STK39: variants seen among roughly 807,000 people sequenced by gnomAD.
STK39 encodes the protein serine/threonine kinase 39.
In STK39, 20 loss-of-function variants were observed where a neutral mutation model predicts 77.8. That is an observed-to-expected ratio of 0.26 (90% confidence interval 0.18 to 0.37). The LOEUF (loss-of-function observed/expected upper bound fraction) is 0.37, where lower values mean the gene tolerates loss of function less well. Among genes scored for constraint, STK39 ranks in the 10% least tolerant of loss-of-function variants. The probability of loss-of-function intolerance (pLI) is 1.00; values close to 1 mark genes in which losing one functional copy is unlikely to be tolerated. For missense variants in STK39, 479 were observed against 656.5 expected, an observed-to-expected ratio of 0.73 and a Z score of 2.95; for synonymous variants, 246 against 234.1, an observed-to-expected ratio of 1.05 and a Z score of -0.47.
At chr2:168,203,175 G>A (rs1408473051) in intron 1 of STK39, among the ~76,000 whole-genome samples, 1 of 152,108 alleles carries the variant, frequency 6.6e-6, no homozygotes, top group African/African-American at 2.4e-5. Context: ...CTGTTTCAGA[G>A]GCTCAGGGAA....
At chr2:168,199,153 G>C (rs1689548228) in intron 1 of STK39, among the ~76,000 whole-genome samples, 1 of 152,158 alleles carries the variant, frequency 6.6e-6, no homozygotes, top group Admixed American at 6.5e-5. Flanking sequence ...TGATACTTAG[G>C]GGGTTACACC....
At chr2:168,215,752 GA>G (rs530928983) in intron 1 of STK39, among the ~76,000 whole-genome samples, 33 of 152,242 alleles carry the variant, frequency 2.2e-4, no homozygotes, top group Admixed American at 2.6e-4. Context: ...AGGAAAGGGG[GA>G]AAAAATGGAA....
intron 1 of STK39, among the ~76,000 whole-genome samples, 179 bp from the exon 2 acceptor site, chr2:168,182,269 GA>G (rs369034942): frequency 1.9e-4 from 28 of 147,668 alleles, no homozygotes; most frequent in African/African-American, 4.0e-4. Context: ...ATCTGGAGGA[GA>G]AAAAAAAAAC....
chr2:168,097,936 A>G (rs1311416094), intron 10 of STK39, among the ~76,000 whole-genome samples: 2 of 152,234 alleles, frequency 1.3e-5, no homozygotes, highest in East Asian at 1.9e-4. Context: ...CAAGAGCCAC[A>G]CAAATTGGTA....
chr2:168,125,366 G>C (rs1230380090), intron 10 of STK39, among the ~76,000 whole-genome samples: 2 of 152,130 alleles, frequency 1.3e-5, no homozygotes, highest in African/African-American at 4.8e-5. Context: ...GACATGGCTG[G>C]AGACAGGTCC....
chr2:167,988,453 T>C (rs905260563), intron 16 of STK39, among the ~76,000 whole-genome samples: 3 of 152,188 alleles, frequency 2.0e-5, no homozygotes, highest in Admixed American at 1.3e-4. Flanking sequence ...TCCCATCATC[T>C]TTCTGATCTT....
chr2:168,081,640 G>A (rs941961345), intron 10 of STK39, among the ~76,000 whole-genome samples: 7 of 152,242 alleles, frequency 4.6e-5, no homozygotes, highest in East Asian at 1.9e-4. Context: ...GAGGACATGC[G>A]ATTTGGGAGG....
At chr2:168,096,996 C>T (rs1686686115) in intron 10 of STK39, among the ~76,000 whole-genome samples, 1 of 152,088 alleles carries the variant, frequency 6.6e-6, no homozygotes, top group Non-Finnish European at 1.5e-5. Flanking sequence ...GTTCTATGGC[C>T]CTTTCTTAAC....
At chr2:168,203,974 A>G (rs1689677175) in intron 1 of STK39, among the ~76,000 whole-genome samples, 1 of 152,214 alleles carries the variant, frequency 6.6e-6, no homozygotes, top group Admixed American at 6.5e-5. Context: ...ACATGGGAAA[A>G]GAAAGGGGGA....
At chr2:168,130,984 A>G (rs934180951) in intron 8 of STK39, among the ~76,000 whole-genome samples, 27 of 152,340 alleles carry the variant, frequency 1.8e-4, no homozygotes, top group Admixed American at 1.4e-3. Context: ...GAAGCCACAG[A>G]GGCTATAAAG....
chr2:168,055,043 T>C (rs1685488536), intron 14 of STK39, among the ~76,000 whole-genome samples: 1 of 152,174 alleles, frequency 6.6e-6, no homozygotes, highest in South Asian at 2.1e-4. Context: ...CAACAAAGAC[T>C]TGCACAAAGA....
intron 10 of STK39, among the ~76,000 whole-genome samples, chr2:168,103,332 AT>A (rs1686885594): frequency 6.6e-6 from 1 of 152,182 alleles, no homozygotes. Context: ...GCCATCTCGA[AT>A]CTTTTCTGAA....
At chr2:168,003,605 A>G (rs1684054153) in intron 16 of STK39, among the ~76,000 whole-genome samples, 1 of 152,200 alleles carries the variant, frequency 6.6e-6, no homozygotes, top group South Asian at 2.1e-4. Context: ...TATTTCTGGT[A>G]AAAATATATA....
At chr2:168,116,726 C>G (rs1045349867) in intron 10 of STK39, among the ~76,000 whole-genome samples, 1 of 152,184 alleles carries the variant, frequency 6.6e-6, no homozygotes, top group Non-Finnish European at 1.5e-5. Flanking sequence ...CTTCCTCCCA[C>G]AGATGATAGA....
At chr2:168,025,437 G>A (rs981361753) in intron 14 of STK39, among the ~76,000 whole-genome samples, 3 of 152,128 alleles carry the variant, frequency 2.0e-5, no homozygotes, top group Non-Finnish European at 2.9e-5. Context: ...AAGAGTTCTC[G>A]TATCATCCGT....
intron 2 of STK39, among the ~76,000 whole-genome samples, chr2:168,181,075 C>T (rs192564342): frequency 2.0e-5 from 3 of 152,106 alleles, no homozygotes; most frequent in Non-Finnish European, 4.4e-5. Flanking sequence ...TAACAAAAGG[C>T]TTCTTCATTT....
At chr2:168,243,693 A>G (rs543559376) in intron 1 of STK39, among the ~76,000 whole-genome samples, 4 of 152,372 alleles carry the variant, frequency 2.6e-5, no homozygotes, top group African/African-American at 9.6e-5. Context: ...TAGTACTTCA[A>G]TGACTACAAT....
At chr2:168,098,142 C>T (rs1236455278) in intron 10 of STK39, among the ~76,000 whole-genome samples, 2 of 152,188 alleles carry the variant, frequency 1.3e-5, no homozygotes, top group African/African-American at 2.4e-5. Flanking sequence ...TCTGGAATAG[C>T]GCCTAGCTAG....
chr2:168,124,769 A>C (rs557908191), intron 10 of STK39, among the ~76,000 whole-genome samples: 1 of 152,300 alleles, frequency 6.6e-6, no homozygotes, highest in South Asian at 2.1e-4. Context: ...CAAGTATGTT[A>C]TCACTAACAT....
Sources: allele counts gnomAD v4.1 joint callset (sites outside exome capture counted in the v4.1 genomes callset), GRCh38; gene constraint gnomAD v4.1.1; transcripts MANE v1.5; gene names NCBI Gene and HGNC (gene_info 2026-07-23, HGNC 2026-07-21).